Variants in BPIFA1 observed in about 807,000 individuals in gnomAD.
BPIFA1 encodes BPI fold-containing family A member 1.
Under a neutral mutation model 25.1 loss-of-function variants are expected in BPIFA1, and 24 were observed. The observed-to-expected ratio is 0.96, with a 90% CI of 0.69 to 1.35. The LOEUF (loss-of-function observed/expected upper bound fraction) is 1.35, where lower values mean the gene tolerates loss of function less well. Among genes scored for constraint, BPIFA1 ranks in the 40% most tolerant of loss-of-function variants. The pLI, the probability that BPIFA1 is intolerant of heterozygous loss-of-function variation, is 0.00. For missense variants in BPIFA1, 344 were observed against 303.7 expected (o/e 1.13, Z -0.99); for synonymous variants, 139 against 131.8 (o/e 1.05, Z -0.37).
rs778295258 is a variant in BPIFA1 at position 33,240,297 on chromosome 20, G to T, written c.493G>T (p.Ala165Ser). ...GCTGGACATCACTGCAGAAATCTTA[G>T]CTGTGAGAGATAAGCAGGAGAGGAT... ...VKLDITAEILAVRDKQERIHL... is the reference protein window; with the variant it reads ...VKLDITAEILSVRDKQERIHL... The change falls in exon 5 of 9, where the codon GCT becomes TCT. Residue 165 changes from alanine to serine, a missense_variant. Physicochemically the swap from Ala to Ser is moderately conservative, Grantham distance 99 (BLOSUM62 1). Coordinates refer to ENST00000354297, the MANE Select transcript of BPIFA1 (RefSeq NM_130852.3). The T allele has an allele frequency of 5.6e-6, 9 of 1,614,178 alleles. No homozygotes were observed. Among genetic ancestry groups the T allele is most frequent in the Non-Finnish European group, 7.6e-6 (9 of 1,180,032 alleles).
chr20:33,242,148 C>A (rs1325895580), intron 7 of BPIFA1, 29 bp downstream of exon 7: 1 of 1,609,472 alleles, frequency 6.2e-7, no homozygotes, highest in African/African-American at 1.3e-5. Flanking sequence ...GCCCTCTGTC[C>A]CTCTCTGCAG....
chr20:33,241,064 A>T (rs1039865430), intron 5 of BPIFA1, among the ~76,000 whole-genome samples: 72 of 152,228 alleles, frequency 4.7e-4, no homozygotes, highest in African/African-American at 1.7e-3. Flanking sequence ...TGGGCTTCAC[A>T]TGTGTCATCT....
At position 33,239,879 on chromosome 20, in the gene BPIFA1, A is replaced by G; in HGVS notation, c.397A>G (p.Ile133Val). The change falls in exon 4 of 9, where the codon ATC (isoleucine) becomes GTC (valine). Residue 133 changes from isoleucine to valine, a missense_variant. Coordinates refer to ENST00000354297, the MANE Select transcript of BPIFA1 (RefSeq NM_130852.3). ...SPDGHRLYVT[I>V]PLGIKLQVNT... ...TGATGGCCACCGTCTCTATGTCACCATCCCTCTCGGCATAAAGCTCCAAGT... is the reference window on the plus strand; with the variant it reads ...TGATGGCCACCGTCTCTATGTCACCGTCCCTCTCGGCATAAAGCTCCAAGT... 1 of 1,614,148 alleles carries G rather than the reference A, an allele frequency of 6.2e-7. No homozygotes were observed. Among genetic ancestry groups the G allele is most frequent in the Non-Finnish European group, 8.5e-7 (1 of 1,180,006 alleles).
At position 33,237,798 on chromosome 20, in the gene BPIFA1, C is replaced by CCAGA. The variant is rs1978752830; in HGVS notation, c.89_92dup (p.Leu32AspfsTer77). 8.7e-6 allele frequency: 14 copies of CCAGA among 1,603,118 alleles called. No individual in the cohort carries two copies. Among genetic ancestry groups the CCAGA allele is most frequent in the Non-Finnish European group, 1.2e-5 (14 of 1,174,470 alleles). On this transcript the variant is annotated frameshift_variant, in exon 2 of 9. Transcript: ENST00000354297. LOFTEE classifies it high-confidence loss of function. ...TTGGAGGCCTGCCCGTGCCCCTGGA[C>CCAGA]CAGACCCTGCCCTTGAATGTGAATC... is the stretch of plus-strand genomic sequence containing the variant.
intron 7 of BPIFA1, 91 bp downstream of exon 7, chr20:33,242,210 G>GGGTGTGCA: frequency 1.5e-6 from 2 of 1,328,818 alleles, no homozygotes; most frequent in Non-Finnish European, 2.2e-6. Context: ...TAGGATACTA[G>GGGTGTGCA]GTCCCTCTGG....
Position 33,237,983 on chromosome 20 carries a change from G to T in BPIFA1, c.161-72G>T, listed in dbSNP as rs1300796085. On this transcript the variant is annotated intron_variant, in intron 2 of 8. Transcript: ENST00000354297. ...CTGCAAAGTGGGGAGGGACAGGGCT[G>T]GATGGGGGAGGGGGCCTGAGGATCT... 2.6e-6 allele frequency: 4 copies of T among 1,556,276 alleles called. No individual in the cohort carries two copies. The East Asian group carries it at 9.0e-5, about 35-fold the overall frequency.
chr20:33,242,287 C>A (rs892271396), intron 7 of BPIFA1, among the ~76,000 whole-genome samples, 168 bp downstream of exon 7: 1 of 152,096 alleles, frequency 6.6e-6, no homozygotes, highest in African/African-American at 2.4e-5. Context: ...AGATAGACAC[C>A]GTGTCTCCTG....
intron 7 of BPIFA1, 63 bp downstream of exon 7, chr20:33,242,182 T>G (rs1979010390): frequency 6.5e-7 from 1 of 1,544,646 alleles, no homozygotes; most frequent in African/African-American, 1.4e-5. Flanking sequence ...CCCCAAGGAG[T>G]TTTTTCCCTG....
At chr20:33,240,176 A>G (rs1204683704) in intron 4 of BPIFA1, 57 bp from the exon 5 acceptor site, 15 of 1,593,934 alleles carry the variant, frequency 9.4e-6, no homozygotes, top group Non-Finnish European at 1.2e-5. Context: ...GGAGAAAATA[A>G]CCCTCTTCCT....
chr20:33,236,825 A>C (rs952434004), intron 1 of BPIFA1, among the ~76,000 whole-genome samples: 7 of 152,164 alleles, frequency 4.6e-5, no homozygotes, highest in Non-Finnish European at 5.9e-5. Flanking sequence ...GACCTTGGGA[A>C]AGTCACTACC....
chr20:33,242,579 C>A lies in BPIFA1; in HGVS notation c.*34+18C>A. 1 of 1,575,382 alleles carries A rather than the reference C, an allele frequency of 6.3e-7. No individual in the cohort carries two copies. Among genetic ancestry groups the A allele is most frequent in the Non-Finnish European group, 8.7e-7 (1 of 1,145,026 alleles). ...CTGAGCTGGTAAGTGCCCTTCCCCA[C>A]ACCCCAGGGTTTTGGGGGCTGGCTG... is the stretch of plus-strand genomic sequence containing the variant. On this transcript the variant is annotated intron_variant, in intron 8 of 8. Transcript: ENST00000354297.
intron 5 of BPIFA1, among the ~76,000 whole-genome samples, chr20:33,240,628 A>G (rs909986011): frequency 6.9e-6 from 1 of 145,608 alleles, no homozygotes. Context: ...GAATAGATAG[A>G]TGGATGGATA....
intron 3 of BPIFA1, among the ~76,000 whole-genome samples, chr20:33,238,534 G>A (rs532550892): frequency 9.9e-5 from 15 of 152,170 alleles, no homozygotes; most frequent in African/African-American, 2.7e-4. Flanking sequence ...CTGTGTTCAC[G>A]CTGCTAGAGT....
At chr20:33,238,001 G>A in intron 2 of BPIFA1, 54 bp from the exon 3 acceptor site, 1 of 1,572,440 alleles carries the variant, frequency 6.4e-7, no homozygotes, top group South Asian at 1.2e-5. Flanking sequence ...GAGGGGGCCT[G>A]AGGATCTGGA....
rs370348230 is a variant in BPIFA1, at chr20:33,239,783, C to G, written c.321-20C>G. On this transcript the variant is annotated intron_variant, in intron 3 of 8. Transcript: ENST00000354297. ...CTAGAGGAGCTAATGTTTCCCCCTC[C>G]AATATTACTCCCTGGACAGCATAAA... 6.2e-7 allele frequency: 1 copy of G among 1,604,690 alleles called. No individual in the cohort carries two copies. The highest frequency in any genetic ancestry group is 1.3e-5 in the African/African-American group (1 of 74,710).
intron 1 of BPIFA1, 80 bp downstream of exon 1, chr20:33,236,130 T>TG (rs1978667641): frequency 6.6e-6 from 1 of 152,070 alleles, no homozygotes; most frequent in South Asian, 2.1e-4. Context: ...GGGCAGTGAG[T>TG]GATCTTGATC....
At chr20:33,240,476 A>C in intron 5 of BPIFA1, 91 bp downstream of exon 5, 1 of 1,495,336 alleles carries the variant, frequency 6.7e-7, no homozygotes, top group Non-Finnish European at 9.1e-7. Flanking sequence ...GAGAGAATAG[A>C]TGAGTGAGAG....
intron 2 of BPIFA1, 81 bp from the exon 3 acceptor site, chr20:33,237,974 G>A (rs952102562): frequency 2.5e-5 from 38 of 1,549,786 alleles, no homozygotes; most frequent in Non-Finnish European, 3.2e-5. Flanking sequence ...AGTGGGGAGG[G>A]ACAGGGCTGG....
At position 33,243,193 on chromosome 20, in the gene BPIFA1, T is replaced by G. The variant is rs1014515644; in HGVS notation, c.*121T>G. On this transcript the variant is annotated 3_prime_UTR_variant, in exon 9 of 9. Transcript: ENST00000354297. ...AGTGCTCACAGATGGCTGGCCCATGTGCTGGAAGATGACACAGTTGCCTTC... is the reference window on the plus strand; with the variant it reads ...AGTGCTCACAGATGGCTGGCCCATGGGCTGGAAGATGACACAGTTGCCTTC... 6.6e-6 allele frequency: 1 copy of G among 152,490 alleles called. No individual in the cohort carries two copies. The highest frequency in any genetic ancestry group is 6.5e-5 in the Admixed American group (1 of 15,290). The allele number at this position is 152,490 out of a possible 1,614,324, so 9.4% of individuals were successfully genotyped here.
Sources: gnomAD v4.1 joint callset for allele counts (sites outside exome capture counted in the v4.1 genomes callset) on GRCh38, gnomAD v4.1.1 for gene constraint, MANE v1.5 for transcripts, NCBI Gene and HGNC (gene_info 2026-07-23, HGNC 2026-07-21) for gene names.